The following PRKD1 variants were observed in gnomAD, a reference collection of about 807,000 sequenced individuals.
PRKD1 encodes serine/threonine-protein kinase D1.
A neutral mutation model predicts 95.9 loss-of-function variants in PRKD1; 63 were observed. The ratio of observed to expected loss-of-function variants is 0.66; its 90% CI spans 0.54 to 0.81. The LOEUF (loss-of-function observed/expected upper bound fraction) is 0.81, where lower values mean the gene tolerates loss of function less well. PRKD1 is among the 30% of genes least tolerant of loss of function. The pLI is 0.00. For synonymous variants in PRKD1, 425 were observed against 423.1 expected, an observed-to-expected ratio of 1.00 and a Z score of -0.05; for missense variants, 1,048 against 1,165.3, an observed-to-expected ratio of 0.90 and a Z score of 1.47.
chr14:29,606,718 T>C (rs1442708963), intron 13 of PRKD1, among the ~76,000 whole-genome samples: 2 of 152,198 alleles, frequency 1.3e-5, no homozygotes, highest in African/African-American at 2.4e-5. Context: ...GATTCCATCA[T>C]TGTCCTGAGG....
At chr14:29,826,680 T>TATACAC (rs1566622308) in intron 1 of PRKD1, among the ~76,000 whole-genome samples, 17 of 49,736 alleles carry the variant, frequency 3.4e-4, no homozygotes, top group African/African-American at 9.7e-4. Flanking sequence ...TGTGTATATA[T>TATACAC]ATATACACAC....
chr14:29,736,465 T>C (rs912159721), intron 1 of PRKD1, among the ~76,000 whole-genome samples: 8 of 152,140 alleles, frequency 5.3e-5, no homozygotes, highest in Admixed American at 5.2e-4. Context: ...TAATCATCTG[T>C]TTTTATGTGA....
rs934195294 is a variant in PRKD1 at position 29,620,629 on chromosome 14, C to T, written c.1905+3523G>A. Among the ~76,000 whole-genome samples the T allele has an allele frequency of 1.4e-3, 212 of 151,142 alleles. 1 individual carries two copies. The highest frequency in any genetic ancestry group is 4.9e-3 in the African/African-American group (204 of 41,254). On this transcript the variant is annotated intron_variant, in intron 13 of 17. Transcript: ENST00000331968. ...TGCAAATCAAAACCACAATGAGATA[C>T]CATCTCACACCAGTTAGAATGGCAA...
chr14:29,828,850 C>T (rs1000339797), intron 1 of PRKD1, among the ~76,000 whole-genome samples: 2 of 152,144 alleles, frequency 1.3e-5, no homozygotes, highest in South Asian at 2.1e-4. Context: ...TATCACTTTC[C>T]GTGAAATCTG....
intron 1 of PRKD1, among the ~76,000 whole-genome samples, chr14:29,798,005 C>T (rs1350336631): frequency 6.6e-6 from 1 of 152,146 alleles, no homozygotes; most frequent in African/African-American, 2.4e-5. Flanking sequence ...ATAAATCTCA[C>T]TACATATTGA....
intron 2 of PRKD1, among the ~76,000 whole-genome samples, chr14:29,705,902 ATAAT>A (rs146999045): frequency 0.036 from 5,441 of 152,200 alleles, 129 homozygotes; most frequent in Non-Finnish European, 0.058. Flanking sequence ...ACTTTTGGCT[ATAAT>A]TAATAATGCT....
rs1194791639 is a variant in PRKD1, at chr14:29,629,021, A to G, written c.1725+20T>C. On this transcript the variant is annotated intron_variant, in intron 11 of 17. Coordinates refer to ENST00000331968, the MANE Select transcript of PRKD1 (RefSeq NM_002742.3). Reference sequence around the variant, plus strand: ...CAGTAATCACATTAGCAAGTTTTATATTAGTAGGTACATACTTACCACATT... The same window carrying G: ...CAGTAATCACATTAGCAAGTTTTATGTTAGTAGGTACATACTTACCACATT... The G allele has an allele frequency of 1.1e-5, 16 of 1,505,062 alleles. No individual in the cohort carries two copies. Among genetic ancestry groups the G allele is most frequent in the Non-Finnish European group, 1.3e-5 (15 of 1,111,526 alleles). 93.2% of individuals were successfully genotyped at this position (1,505,062 alleles called of 1,614,324 possible).
chr14:29,595,143 C>A (rs1401604418), intron 16 of PRKD1, among the ~76,000 whole-genome samples: 1 of 152,150 alleles, frequency 6.6e-6, no homozygotes, highest in Non-Finnish European at 1.5e-5. Flanking sequence ...ATCACTTCAT[C>A]TGAGTGGTAG....
In PRKD1 at chr14:29,630,727, A is replaced by T. The variant is rs1285578498; in HGVS notation, c.1672+15T>A. 20 of 1,613,936 alleles carry T rather than the reference A, an allele frequency of 1.2e-5. No homozygotes were observed. The highest frequency in any genetic ancestry group is 1.7e-5 in the Non-Finnish European group (20 of 1,179,924). On this transcript the variant is annotated intron_variant, in intron 10 of 17. Coordinates refer to ENST00000331968, the MANE Select transcript of PRKD1 (RefSeq NM_002742.3). ...ATGATGAGCTTTGGGCTGGTTAGAA[A>T]ACTGGCAGACTCACTGTGCAAGTTG...
At chr14:29,693,269 A>G (rs773108455) in intron 2 of PRKD1, among the ~76,000 whole-genome samples, 28 of 152,256 alleles carry the variant, frequency 1.8e-4, no homozygotes, top group Non-Finnish European at 2.9e-4. Flanking sequence ...ATTTTCAAGT[A>G]CTTTGTGTTC....
intron 16 of PRKD1, among the ~76,000 whole-genome samples, chr14:29,593,756 G>C (rs1387168922): frequency 3.3e-5 from 5 of 152,156 alleles, no homozygotes; most frequent in Non-Finnish European, 4.4e-5. Flanking sequence ...AGCCAATAAA[G>C]TATCTTATTT....
chr14:29,811,183 G>A (rs760114792), intron 1 of PRKD1, among the ~76,000 whole-genome samples: 25 of 152,106 alleles, frequency 1.6e-4, no homozygotes, highest in Non-Finnish European at 3.1e-4. Context: ...CCTTTCTTCC[G>A]CAGCTTCCCC....
chr14:29,730,716 C>T (rs1020680959), intron 1 of PRKD1, among the ~76,000 whole-genome samples: 4 of 151,946 alleles, frequency 2.6e-5, no homozygotes, highest in South Asian at 2.1e-4. Flanking sequence ...ATTAACATTC[C>T]GGACATGATT....
intron 1 of PRKD1, among the ~76,000 whole-genome samples, chr14:29,731,382 C>A (rs1033316207): frequency 9.2e-5 from 14 of 152,110 alleles, no homozygotes; most frequent in African/African-American, 3.4e-4. Context: ...GGTGAATATT[C>A]TATGTGCATC....
intron 1 of PRKD1, among the ~76,000 whole-genome samples, chr14:29,731,918 G>C (rs1886459237): frequency 6.6e-6 from 1 of 150,456 alleles, no homozygotes; most frequent in Non-Finnish European, 1.5e-5. Context: ...CTGGCGCCCA[G>C]GCTGGATTGC....
At chr14:29,748,257 G>T (rs564360428) in intron 1 of PRKD1, among the ~76,000 whole-genome samples, 3 of 152,200 alleles carry the variant, frequency 2.0e-5, no homozygotes, top group African/African-American at 7.2e-5. Context: ...TAAAGTTAAT[G>T]TCTACAACCA....
chr14:29,807,916 T>C (rs565512523), intron 1 of PRKD1, among the ~76,000 whole-genome samples: 19 of 152,056 alleles, frequency 1.2e-4, no homozygotes, highest in African/African-American at 4.6e-4. Flanking sequence ...TAGACGGGAT[T>C]TCACCATGTT....
intron 1 of PRKD1, among the ~76,000 whole-genome samples, chr14:29,736,131 G>A (rs913336466): frequency 2.6e-5 from 4 of 152,200 alleles, no homozygotes; most frequent in Non-Finnish European, 4.4e-5. Flanking sequence ...CCCCTACGAA[G>A]TAGGTCACAC....
At chr14:29,902,380 A>G (rs1894349114) in intron 1 of PRKD1, among the ~76,000 whole-genome samples, 1 of 152,228 alleles carries the variant, frequency 6.6e-6, no homozygotes, top group Non-Finnish European at 1.5e-5. Context: ...CAATAATATG[A>G]CTTATGAAAA....
Sources: allele counts gnomAD v4.1 joint callset (sites outside exome capture counted in the v4.1 genomes callset), GRCh38; gene constraint gnomAD v4.1.1; transcripts MANE v1.5; gene names NCBI Gene and HGNC (gene_info 2026-07-23, HGNC 2026-07-21).